Variants in TTBK1 observed in about 807,000 individuals in gnomAD.
The protein encoded by TTBK1 is tau-tubulin kinase 1.
Under a neutral mutation model 108.5 loss-of-function variants are expected in TTBK1, and 34 were observed. The ratio of observed to expected loss-of-function variants is 0.31; its 90% CI spans 0.24 to 0.42. TTBK1 has a LOEUF of 0.42. Ranked by LOEUF, TTBK1 falls within the 10% of genes least tolerant of loss-of-function variation. TTBK1 has a pLI of 1.00. For missense variants in TTBK1, 1,539 were observed against 1,826.0 expected, an observed-to-expected ratio of 0.84 and a Z score of 2.86; for synonymous variants, 809 against 795.1, an observed-to-expected ratio of 1.02 and a Z score of -0.29.
chr6:43,250,348 CTTTTT>C (rs555371314), intron 2 of TTBK1, among the ~76,000 whole-genome samples: 4,875 of 89,060 alleles, frequency 0.055, 154 homozygotes, highest in African/African-American at 0.13. Flanking sequence ...CCTGGCTTTG[CTTTTT>C]TTTTTTTTTT....
Position 43,263,291 on chromosome 6 carries a change from C to G in TTBK1, c.1927C>G (p.Leu643Val). Reference sequence around the variant, plus strand: ...GCCTGGCAGCCCTTCCCACTCACCCCTGCACTCGGGACCCCGCCCTCGACG... The same window carrying G: ...GCCTGGCAGCCCTTCCCACTCACCCGTGCACTCGGGACCCCGCCCTCGACG... ...PTPGSPSHSP[L>V]HSGPRPRRRE... Residue 643 changes from leucine to valine, a missense_variant, in exon 13 of 15, where the codon CTG becomes GTG. Leu to Val is a conservative substitution (Grantham distance 32). This residue lies in a region of TTBK1 where 1,055 missense variants were observed against 1,086.5 expected (regional missense o/e 0.97). Transcript: ENST00000259750. The surrounding 1 kb of genome is among the most constrained non-coding windows in gnomAD (Gnocchi z 4.7). 1 of 1,507,554 alleles carries G rather than the reference C, an allele frequency of 6.6e-7. No individual in the cohort carries two copies. Among genetic ancestry groups the G allele is most frequent in the Non-Finnish European group, 8.9e-7 (1 of 1,125,512 alleles). The allele number at this position is 1,507,554 out of a possible 1,614,324, so 93.4% of individuals were successfully genotyped here. A position where few individuals can be genotyped will look rare whatever the true frequency, so the allele number is the denominator to read the frequency against.
At chr6:43,271,866 G>GGGGC in intron 13 of TTBK1, 2 of 979,656 alleles carry the variant, frequency 2.0e-6, no homozygotes, top group Non-Finnish European at 2.4e-6. Flanking sequence ...TAATACTTGT[G>GGGGC]CCCCACCCCC....
intron 1 of TTBK1, among the ~76,000 whole-genome samples, chr6:43,245,600 CACAG>C (rs1220007923): frequency 1.3e-5 from 2 of 152,194 alleles, no homozygotes; most frequent in East Asian, 3.8e-4. Flanking sequence ...CAGATACACA[CACAG>C]ACATACACAC....
At position 43,283,193 on chromosome 6, in the gene TTBK1, G is replaced by T. The variant is rs768032466; in HGVS notation, c.2453G>T (p.Gly818Val). ...LLADDQKESR[G>V]RASMADGDLE... ...GCAGACGATCAGAAGGAGTCCAGGG[G>T]CCGGGCCTCCATGGCCGATGGGGAC... The change falls in exon 14 of 15, where the codon GGC becomes GTC. Residue 818 changes from glycine (G) to valine (V), a missense_variant. By Grantham distance (109) the Gly-to-Val change is moderately radical. This residue lies in a region of TTBK1 where 1,055 missense variants were observed against 1,086.5 expected (regional missense o/e 0.97). Transcript: ENST00000259750. This position sits in a 1 kb window ranked among gnomAD's most constrained non-coding sequence, Gnocchi z 8.1. 3 of 1,553,154 alleles carry T rather than the reference G, an allele frequency of 1.9e-6. No homozygotes were observed. Among genetic ancestry groups the T allele is most frequent in the Non-Finnish European group, 1.7e-6 (2 of 1,148,774 alleles).
In TTBK1 at chr6:43,259,606, C is replaced by G; in HGVS notation, c.1324C>G (p.Pro442Ala). The change falls in exon 12 of 15, where the codon CCC becomes GCC. Residue 442 changes from proline (P) to alanine (A), a missense_variant. Coordinates refer to ENST00000259750, the MANE Select transcript of TTBK1 (RefSeq NM_032538.3). The surrounding 1 kb of genome is among the most constrained non-coding windows in gnomAD (Gnocchi z 6.7). The stretch of plus-strand genomic sequence containing the variant: ...CCCAGTGCGTGCCCCCCCAGACTCC[C>G]CCACAACCCCAGTCCGTTCTCTGCG... Reference protein sequence around the residue: ...SSPVRAPPDSPTTPVRSLRYR... With the variant: ...SSPVRAPPDSATTPVRSLRYR... 6.2e-7 allele frequency: 1 copy of G among 1,611,976 alleles called. No homozygotes were observed. Among genetic ancestry groups the G allele is most frequent in the Non-Finnish European group, 8.5e-7 (1 of 1,179,340 alleles).
chr6:43,254,224 A>G (rs756159965), intron 5 of TTBK1, among the ~76,000 whole-genome samples: 2 of 152,212 alleles, frequency 1.3e-5, no homozygotes, highest in African/African-American at 2.4e-5. Flanking sequence ...AGTTACACCA[A>G]ATCACATTGC....
intron 1 of TTBK1, among the ~76,000 whole-genome samples, chr6:43,244,071 C>T (rs1437730381): frequency 1.3e-5 from 2 of 152,122 alleles, no homozygotes; most frequent in Non-Finnish European, 2.9e-5. Flanking sequence ...CTCCCACCTG[C>T]CTTCTTACCT....
Position 43,253,765 on chromosome 6 carries a change from CT to C in TTBK1, c.471+60del. Reference sequence around the variant, plus strand: ...CCTCCTCCAGAACACACCCCTAATTCTTTCCCTGGGTCTCCTGGTTTCTCCT... The same window carrying C: ...CCTCCTCCAGAACACACCCCTAATTCTTCCCTGGGTCTCCTGGTTTCTCCT... On this transcript the variant is annotated intron_variant, in intron 5 of 14. Coordinates refer to ENST00000259750, the MANE Select transcript of TTBK1 (RefSeq NM_032538.3). This position sits in a 1 kb window ranked among gnomAD's most constrained non-coding sequence, Gnocchi z 5.8. The C allele has an allele frequency of 2.6e-6, 4 of 1,548,926 alleles. No individual in the cohort carries two copies.
At chr6:43,258,610 T>G (rs974558838) in intron 10 of TTBK1, among the ~76,000 whole-genome samples, 1 of 152,092 alleles carries the variant, frequency 6.6e-6, no homozygotes, top group Non-Finnish European at 1.5e-5. Context: ...AAAAAAAAAT[T>G]TAAGTGTATA....
rs1777666386 is a variant in TTBK1 at position 43,265,971 on chromosome 6, C to T, written c.1986+2621C>T. On this transcript the variant is annotated intron_variant, in intron 13 of 14. Transcript: ENST00000259750. This position sits in a 1 kb window ranked among gnomAD's most constrained non-coding sequence, Gnocchi z 4.1. ...CTCACTTTGGGGAATTCTGGCCAAG[C>T]GGGTGGGGAGAGAGAGATTTGGTGG... 6.6e-6 allele frequency among the ~76,000 whole-genome samples: 1 copy of T among 151,860 alleles called. No homozygotes were observed. The highest frequency in any genetic ancestry group is 2.1e-4 in the South Asian group (1 of 4,814).
intron 1 of TTBK1, among the ~76,000 whole-genome samples, chr6:43,245,878 C>T (rs1286126775): frequency 3.3e-5 from 5 of 152,200 alleles, no homozygotes; most frequent in African/African-American, 2.4e-5. Flanking sequence ...CAGCCCACTT[C>T]TGTCCCTCTG....
chr6:43,255,488 G>A (rs1051498844), intron 7 of TTBK1, 64 bp from the exon 8 acceptor site: 3 of 1,457,590 alleles, frequency 2.1e-6, no homozygotes, highest in South Asian at 2.4e-5. Context: ...TCAGAGAAGG[G>A]TCAGCCGCCC....
chr6:43,285,128 TC>T lies in TTBK1; in HGVS notation c.3720del (p.Ala1241ProfsTer142). On this transcript the variant is annotated frameshift_variant, in exon 15 of 15. Transcript: ENST00000259750. LOFTEE classifies it high-confidence loss of function. The surrounding 1 kb of genome is among the most constrained non-coding windows in gnomAD (Gnocchi z 4.7). ...PRSPRLPASTSAARNASASPR... is the reference protein window; with the variant it reads ...PRSPRLPASTXAARNASASPR... ...CAGCCCGCGCCTCCCCGCGTCCACA[TC>T]CGCCGCGCGCAATGCCAGCGCGTCC... 6.9e-7 allele frequency: 1 copy of T among 1,457,156 alleles called. No homozygotes were observed. Among genetic ancestry groups the T allele is most frequent in the Non-Finnish European group, 9.0e-7 (1 of 1,112,090 alleles). 90.3% of individuals were successfully genotyped at this position (1,457,156 alleles called of 1,614,324 possible).
chr6:43,274,887 G>A (rs1777923779), intron 13 of TTBK1, among the ~76,000 whole-genome samples: 1 of 152,132 alleles, frequency 6.6e-6, no homozygotes, highest in African/African-American at 2.4e-5. Context: ...GGGTGGGGAA[G>A]GGGTGGAGAG....
Position 43,285,210 on chromosome 6 carries a change from G to C in TTBK1, c.3800G>C (p.Arg1267Pro). 7.6e-7 allele frequency: 1 copy of C among 1,319,972 alleles called. No individual in the cohort carries two copies. The highest frequency in any genetic ancestry group is 9.6e-7 in the Non-Finnish European group (1 of 1,039,020). 81.8% of individuals were successfully genotyped at this position (1,319,972 alleles called of 1,614,324 possible). A position where few individuals can be genotyped will look rare whatever the true frequency, so the allele number is the denominator to read the frequency against. The stretch of plus-strand genomic sequence containing the variant: ...AGCCCCTCCCCCTCGCACCAGGCCC[G>C]GCCCGGGGTCCCCCCGCCCCGGGGC... ...RESPSPSHQA[R>P]PGVPPPRGVP... Residue 1267 changes from arginine (R) to proline (P), a missense_variant, in exon 15 of 15, where the codon CGG becomes CCG. Around this residue, in one of 5 missense-constraint regions of TTBK1, gnomAD observed 1,055 missense variants for 1,086.5 expected, o/e 0.97. Coordinates refer to ENST00000259750, the MANE Select transcript of TTBK1 (RefSeq NM_032538.3). The surrounding 1 kb of genome is among the most constrained non-coding windows in gnomAD (Gnocchi z 4.7).
At position 43,273,564 on chromosome 6, in the gene TTBK1, A is replaced by G. The variant is rs1998297; in HGVS notation, c.1987-9163A>G. ...GGATTGGTGAGGTCCTAGGGGTCAGACTCACAGACGGGGAAGACACTGGCA... is the reference window on the plus strand; with the variant it reads ...GGATTGGTGAGGTCCTAGGGGTCAGGCTCACAGACGGGGAAGACACTGGCA... On this transcript the variant is annotated intron_variant, in intron 13 of 14. Transcript: ENST00000259750. This position sits in a 1 kb window ranked among gnomAD's most constrained non-coding sequence, Gnocchi z 4.2. Among the ~76,000 whole-genome samples the G allele has an allele frequency of 0.48, 73,510 of 151,698 alleles. 20,515 individuals carry two copies. The highest frequency in any genetic ancestry group is 0.78 in the African/African-American group (32,232 of 41,238).
chr6:43,251,707 G>A (rs1387772477), intron 2 of TTBK1, among the ~76,000 whole-genome samples: 1 of 152,172 alleles, frequency 6.6e-6, no homozygotes, highest in African/African-American at 2.4e-5. Flanking sequence ...GGAGGGGGGA[G>A]ACGAGAGGGT....
At chr6:43,279,939 G>C (rs1056823992) in intron 13 of TTBK1, among the ~76,000 whole-genome samples, 9 of 151,488 alleles carry the variant, frequency 5.9e-5, no homozygotes, top group African/African-American at 1.7e-4. Context: ...GTGAAAACAG[G>C]GTTTTGCCAT....
Position 43,282,888 on chromosome 6 carries a change from C to T in TTBK1, c.2148C>T (p.Thr716=), listed in dbSNP as rs377047790. ...RRVGFSHMLL[T]TPQVPLAPVQ... ...TGGGCTTCTCGCACATGCTGCTCAC[C>T]ACCCCCCAGGTCCCACTGGCTCCTG... Residue 716 remains threonine, a synonymous_variant, in exon 14 of 15, where the codon ACC becomes ACT. Coordinates refer to ENST00000259750, the MANE Select transcript of TTBK1 (RefSeq NM_032538.3). This position sits in a 1 kb window ranked among gnomAD's most constrained non-coding sequence, Gnocchi z 5.4. 32 of 1,613,838 alleles carry T rather than the reference C, an allele frequency of 2.0e-5. No individual in the cohort carries two copies. Among genetic ancestry groups the T allele is most frequent in the Non-Finnish European group, 2.5e-5 (30 of 1,179,970 alleles).
Sources: allele counts gnomAD v4.1 joint callset (sites outside exome capture counted in the v4.1 genomes callset), GRCh38; gene constraint gnomAD v4.1.1; regional missense constraint gnomAD v4.1.1; non-coding constraint Gnocchi (gnomAD v3.1); transcripts MANE v1.5; gene names NCBI Gene and HGNC (gene_info 2026-07-23, HGNC 2026-07-21).